ZNF106: variants seen among roughly 807,000 people sequenced by gnomAD.
ZNF106 encodes SH3-domain binding protein 3.
In ZNF106, 67 loss-of-function variants were observed where a neutral mutation model predicts 195.1. The observed-to-expected ratio is 0.34, with a 90% CI of 0.28 to 0.42. The LOEUF (loss-of-function observed/expected upper bound fraction) is 0.42, where lower values mean the gene tolerates loss of function less well. Ranked by LOEUF, ZNF106 falls within the 10% of genes least tolerant of loss-of-function variation. The probability of loss-of-function intolerance (pLI) is 1.00; values close to 1 mark genes in which losing one functional copy is unlikely to be tolerated. For missense variants in ZNF106, 2,118 were observed against 2,304.5 expected (o/e 0.92, Z 1.66); for synonymous variants, 784 against 818.6 (o/e 0.96, Z 0.72).
Position 42,454,243 on chromosome 15 carries a change from T to C in ZNF106, c.318-2289A>G, listed in dbSNP as rs117876062. ...GAAGTTCAAACATCCACTCATATTA[T>C]ATAAATTACAATCATTTCTAAACAG... On this transcript the variant is annotated intron_variant, in intron 4 of 21. Transcript: ENST00000564754. 1.3e-3 allele frequency among the ~76,000 whole-genome samples: 197 copies of C among 152,346 alleles called. 4 individuals are homozygous for C. In the East Asian group the frequency reaches 0.036, roughly 28 times the overall value.
Position 42,423,961 on chromosome 15 carries a change from A to T in ZNF106, c.5253+37T>A, listed in dbSNP as rs768551827. The T allele has an allele frequency of 2.6e-6, 4 of 1,567,748 alleles. No individual in the cohort carries two copies. In the South Asian group the frequency reaches 4.7e-5, roughly 19 times the overall value. ...ACCATCAAGCTTTAACCATTATTTTATTCACAGTTTCTTTACACAACACCA... is the reference window on the plus strand; with the variant it reads ...ACCATCAAGCTTTAACCATTATTTTTTTCACAGTTTCTTTACACAACACCA... On this transcript the variant is annotated intron_variant, in intron 17 of 21. Coordinates refer to ENST00000564754, the MANE Select transcript of ZNF106 (RefSeq NM_001366845.3).
chr15:42,424,627 C>A, intron 16 of ZNF106: 2 of 525,432 alleles, frequency 3.8e-6, no homozygotes, highest in Non-Finnish European at 6.8e-6. Context: ...TACAGGTGCA[C>A]ACCACAACAT....
At chr15:42,438,919 T>C in intron 11 of ZNF106, 114 bp downstream of exon 11, 2 of 1,210,726 alleles carry the variant, frequency 1.7e-6, no homozygotes, top group Non-Finnish European at 2.3e-6. Context: ...CAATCTCTAC[T>C]GCATTCACAT....
At chr15:42,422,442 A>G in intron 18 of ZNF106, 59 bp downstream of exon 18, 1 of 1,579,918 alleles carries the variant, frequency 6.3e-7, no homozygotes, top group Non-Finnish European at 8.6e-7. Flanking sequence ...AATCAACACT[A>G]AACCCAAATA....
At chr15:42,465,665 G>C (rs555287303) in intron 3 of ZNF106, among the ~76,000 whole-genome samples, 1 of 152,310 alleles carries the variant, frequency 6.6e-6, no homozygotes, top group South Asian at 2.1e-4. Flanking sequence ...GGATGTCTCA[G>C]ACAATTCCAG....
chr15:42,461,019 GTA>G (rs1480721733), intron 3 of ZNF106, among the ~76,000 whole-genome samples: 3 of 152,032 alleles, frequency 2.0e-5, no homozygotes, highest in African/African-American at 7.3e-5. Context: ...CAAAAAGTGT[GTA>G]GGGGTAATAT....
In ZNF106 at chr15:42,424,008, T is replaced by G. The variant is rs1433129799; in HGVS notation, c.5243A>C (p.His1748Pro). The G allele has an allele frequency of 1.2e-6, 2 of 1,610,430 alleles. No individual in the cohort carries two copies. Among genetic ancestry groups the G allele is most frequent in the Non-Finnish European group, 1.7e-6 (2 of 1,179,012 alleles). Residue 1748 changes from histidine to proline, a missense_variant, in exon 17 of 22, where the codon CAC (histidine) becomes CCC (proline). Physicochemically the swap from His to Pro is moderately conservative, Grantham distance 77. Transcript: ENST00000564754. ...SGSSDQSVHA[H>P]NIHTGELVRI... The stretch of plus-strand genomic sequence containing the variant: ...ACCAACACAGCTTACGTGAATGTTG[T>G]GAGCATGGACTGACTGATCACTGGA...
chr15:42,456,647 C>G (rs1266699054), intron 4 of ZNF106, among the ~76,000 whole-genome samples: 1 of 149,366 alleles, frequency 6.7e-6, no homozygotes, highest in African/African-American at 2.5e-5. Flanking sequence ...CAGAGTGAGA[C>G]TCCATCTTAA....
rs765768530 is a variant in ZNF106 at position 42,424,933 on chromosome 15, G to A, written c.5091C>T (p.Val1697=). The A allele has an allele frequency of 1.7e-5, 28 of 1,614,010 alleles. No individual in the cohort carries two copies. In the South Asian group the frequency reaches 1.9e-4, roughly 11 times the overall value. The stretch of plus-strand genomic sequence containing the variant: ...TAATTGTGCAGTCATAAGACCCCAC[G>A]ACCAGCAGTTTTCGGGCACCTTCCT... ...TAQEGARKLL[V]VGSYDCTISV... Residue 1697 remains valine (V), a synonymous_variant, in exon 16 of 22, where the codon GTC becomes GTT. Coordinates refer to ENST00000564754, the MANE Select transcript of ZNF106 (RefSeq NM_001366845.3).
At chr15:42,457,404 G>T in intron 3 of ZNF106, 1 of 1,373,610 alleles carries the variant, frequency 7.3e-7, no homozygotes, top group Non-Finnish European at 9.4e-7. Context: ...TCGTTTAGGA[G>T]GAGAAATCTT....
At chr15:42,474,337 G>T (rs2056741908) in intron 1 of ZNF106, among the ~76,000 whole-genome samples, 1 of 151,894 alleles carries the variant, frequency 6.6e-6, no homozygotes, top group African/African-American at 2.4e-5. Context: ...CACTAGTATA[G>T]TTCGGTCTAG....
chr15:42,479,773 T>TAG (rs2056862310), intron 1 of ZNF106, among the ~76,000 whole-genome samples: 1 of 151,094 alleles, frequency 6.6e-6, no homozygotes, highest in African/African-American at 2.4e-5. Context: ...ACCCGGGGAG[T>TAG]AGAGGTTGCA....
In ZNF106 at chr15:42,482,438, G is replaced by GT. The variant is rs922816871; in HGVS notation, c.-33+8541dup. Among the ~76,000 whole-genome samples, 7 of 139,704 alleles carry GT rather than the reference G, an allele frequency of 5.0e-5. No homozygotes were observed. In the East Asian group the frequency reaches 8.4e-4, roughly 17 times the overall value. The allele number at this position is 139,704 out of a possible 152,430, so 91.7% of individuals were successfully genotyped here. ...ATTCCTCCAAAGAGTATTGACTTTT[G>GT]TTTTTTTACTTTTGTTTTCATAGTA... On this transcript the variant is annotated intron_variant, in intron 1 of 21. Transcript: ENST00000564754.
At chr15:42,479,442 A>C (rs749919455) in intron 1 of ZNF106, among the ~76,000 whole-genome samples, 1 of 152,226 alleles carries the variant, frequency 6.6e-6, no homozygotes, top group Non-Finnish European at 1.5e-5. Context: ...CCTTTCAACT[A>C]TACTGAGAAT....
chr15:42,443,812 A>C (rs1404087051), intron 9 of ZNF106, among the ~76,000 whole-genome samples: 1 of 152,068 alleles, frequency 6.6e-6, no homozygotes, highest in Non-Finnish European at 1.5e-5. Context: ...CATCCCCTCA[A>C]AGAGAACAAA....
At position 42,435,536 on chromosome 15, in the gene ZNF106, A is replaced by G. The variant is rs2055243154; in HGVS notation, c.4747-18T>C. Reference sequence around the variant, plus strand: ...TTCCGACTCTAAAGTTTAAGCACAGACCAGATTATTACTTATGAGATATAG... The same window carrying G: ...TTCCGACTCTAAAGTTTAAGCACAGGCCAGATTATTACTTATGAGATATAG... On this transcript the variant is annotated intron_variant, in intron 13 of 21. Coordinates refer to ENST00000564754, the MANE Select transcript of ZNF106 (RefSeq NM_001366845.3). The G allele has an allele frequency of 6.8e-6, 11 of 1,614,042 alleles. No individual in the cohort carries two copies. Among genetic ancestry groups the G allele is most frequent in the Non-Finnish European group, 9.3e-6 (11 of 1,179,918 alleles).
rs774795628 is a variant in ZNF106 at position 42,448,077 on chromosome 15, T to C, written c.3130A>G (p.Thr1044Ala). ...GCAGAGGGAATTATACTCACTCCAG[T>C]GGCTCTTCGTTTCTTTCTAATACTT... ...GQSIRKKRRATGDGSSPELPS... is the reference protein window; with the variant it reads ...GQSIRKKRRAAGDGSSPELPS... Residue 1044 changes from threonine (T) to alanine (A), a missense_variant, in exon 6 of 22, where the codon ACT (threonine) becomes GCT (alanine). Thr to Ala is a moderately conservative substitution (Grantham distance 58). Transcript: ENST00000564754. 2 of 1,610,116 alleles carry C rather than the reference T, an allele frequency of 1.2e-6. No homozygotes were observed. The highest frequency in any genetic ancestry group is 1.1e-5 in the South Asian group (1 of 90,832).
At position 42,413,151 on chromosome 15, in the gene ZNF106, C is replaced by G. The variant is rs2054325345; in HGVS notation, c.*4153G>C. The G allele has an allele frequency of 6.6e-6, 1 of 152,070 alleles. No individual in the cohort carries two copies. The highest frequency in any genetic ancestry group is 2.4e-5 in the African/African-American group (1 of 41,396). 9.4% of individuals were successfully genotyped at this position (152,070 alleles called of 1,614,324 possible). A position where few individuals can be genotyped will look rare whatever the true frequency, so the allele number is the denominator to read the frequency against. ...GAGTGAATCTGGGAAATGTAGTCAC[C>G]AGGTAACCCAGCAGGGCCATATACT... On this transcript the variant is annotated 3_prime_UTR_variant, in exon 22 of 22. Transcript: ENST00000564754.
Position 42,424,074 on chromosome 15 carries a change from T to C in ZNF106, c.5191-14A>G. 1 of 1,610,380 alleles carries C rather than the reference T, an allele frequency of 6.2e-7. No individual in the cohort carries two copies. The highest frequency in any genetic ancestry group is 2.2e-5 in the East Asian group (1 of 44,822). On this transcript the variant is annotated splice_polypyrimidine_tract_variant and intron_variant, in intron 16 of 21. Coordinates refer to ENST00000564754, the MANE Select transcript of ZNF106 (RefSeq NM_001366845.3). ...ATCATTCACCACCTTAAAGAAAAAA[T>C]TAAACAAGTCAGATTCTGTATACGG...
Sources: gnomAD v4.1 joint callset for allele counts (sites outside exome capture counted in the v4.1 genomes callset) on GRCh38, gnomAD v4.1.1 for gene constraint, MANE v1.5 for transcripts, NCBI Gene and HGNC (gene_info 2026-07-23, HGNC 2026-07-21) for gene names.